GRIA4: variants seen among roughly 807,000 people sequenced by gnomAD.
GRIA4 encodes the protein glutamate receptor 4.
A neutral mutation model predicts 104.0 loss-of-function variants in GRIA4; 34 were observed. That is an observed-to-expected ratio of 0.33 (90% CI 0.25 to 0.44). GRIA4 has a LOEUF of 0.44. Ranked by LOEUF, GRIA4 falls within the 20% of genes least tolerant of loss-of-function variation. The probability of loss-of-function intolerance (pLI) is 1.00; values close to 1 mark genes in which losing one functional copy is unlikely to be tolerated. For missense variants in GRIA4, 750 were observed against 1,096.5 expected (o/e 0.68, Z 4.46); for synonymous variants, 386 against 381.9 (o/e 1.01, Z -0.13).
intron 3 of GRIA4, among the ~76,000 whole-genome samples, chr11:105,699,342 T>C (rs1305739815): frequency 6.6e-6 from 1 of 152,096 alleles, no homozygotes; most frequent in Non-Finnish European, 1.5e-5. Context: ...ATAGAATTAT[T>C]CAGGACACTA....
chr11:105,914,202 T>A (rs1384040232), intron 10 of GRIA4, among the ~76,000 whole-genome samples: 1 of 151,858 alleles, frequency 6.6e-6, no homozygotes, highest in African/African-American at 2.4e-5. Context: ...TAAATTTAAA[T>A]TTTTTCAGCC....
intron 4 of GRIA4, among the ~76,000 whole-genome samples, chr11:105,793,332 T>C (rs980697384): frequency 6.6e-6 from 1 of 152,058 alleles, no homozygotes; most frequent in East Asian, 1.9e-4. Flanking sequence ...ATTCTACCAC[T>C]TCCCCAGGGG....
rs145709999 is a variant in GRIA4 at position 105,636,378 on chromosome 11, A to T, written c.247+23944A>T. On this transcript the variant is annotated intron_variant, in intron 3 of 16. Coordinates refer to ENST00000282499, the MANE Select transcript of GRIA4 (RefSeq NM_000829.4). Reference sequence around the variant, plus strand: ...TCCCTCAAGAATATCTTGCCATTTTACATTTTGTTCAAGGTCAGACTCTTT... The same window carrying T: ...TCCCTCAAGAATATCTTGCCATTTTTCATTTTGTTCAAGGTCAGACTCTTT... Among the ~76,000 whole-genome samples, 440 of 152,270 alleles carry T rather than the reference A, an allele frequency of 2.9e-3. 3 individuals carry two copies. Among genetic ancestry groups the T allele is most frequent in the African/African-American group, 0.01 (425 of 41,566 alleles).
At chr11:105,880,314 T>G (rs1946001258) in intron 5 of GRIA4, among the ~76,000 whole-genome samples, 1 of 152,198 alleles carries the variant, frequency 6.6e-6, no homozygotes, top group Non-Finnish European at 1.5e-5. Flanking sequence ...ATGTAGAATT[T>G]TAGAACCACC....
rs368682744 is a variant in GRIA4, at chr11:105,900,897, C to T, written c.885+2470C>T. Among the ~76,000 whole-genome samples the T allele has an allele frequency of 4.6e-5, 7 of 152,078 alleles. No homozygotes were observed. The East Asian group carries it at 1.2e-3, about 25-fold the overall frequency. On this transcript the variant is annotated intron_variant, in intron 7 of 16. Coordinates refer to ENST00000282499, the MANE Select transcript of GRIA4 (RefSeq NM_000829.4). ...CTGGCCCAGATCTGGTATTTGATACCACAGCAGGGTGATTACAATCAACAA... is the reference window on the plus strand; with the variant it reads ...CTGGCCCAGATCTGGTATTTGATACTACAGCAGGGTGATTACAATCAACAA...
intron 3 of GRIA4, among the ~76,000 whole-genome samples, chr11:105,649,842 A>G (rs1304536326): frequency 7.2e-5 from 11 of 152,056 alleles, no homozygotes; most frequent in Non-Finnish European, 1.5e-4. Flanking sequence ...TTAATATTGT[A>G]AATTATTCTA....
At chr11:105,794,733 G>A (rs1942410399) in intron 4 of GRIA4, among the ~76,000 whole-genome samples, 1 of 150,610 alleles carries the variant, frequency 6.6e-6, no homozygotes, top group Non-Finnish European at 1.5e-5. Context: ...TAATCCAGGG[G>A]TTTTAATCTT....
At chr11:105,744,635 C>T (rs1939532292) in intron 3 of GRIA4, among the ~76,000 whole-genome samples, 4 of 152,078 alleles carry the variant, frequency 2.6e-5, no homozygotes, top group African/African-American at 9.7e-5. Flanking sequence ...CTCCTCTAGA[C>T]CCAGGACTTC....
At chr11:105,641,179 TAGTG>T (rs1246403483) in intron 3 of GRIA4, among the ~76,000 whole-genome samples, 1 of 152,142 alleles carries the variant, frequency 6.6e-6, no homozygotes, top group Admixed American at 6.6e-5. Flanking sequence ...TATTAGCATT[TAGTG>T]AGTAACTAGT....
In GRIA4 at chr11:105,736,556, ATG is replaced by A. The variant is rs563467807; in HGVS notation, c.248-16423_248-16422del. On this transcript the variant is annotated intron_variant, in intron 3 of 16. Transcript: ENST00000282499. ...CTTGTATAGTATATATATAGTATAC[ATG>A]TTTGTTCATCTCATAAACACCTGAT... Among the ~76,000 whole-genome samples, 455 of 152,224 alleles carry A rather than the reference ATG, an allele frequency of 3.0e-3. 7 individuals carry two copies. The highest frequency in any genetic ancestry group is 0.011 in the African/African-American group (446 of 41,570).
In GRIA4 at chr11:105,810,474, T is replaced by C. The variant is rs527746105; in HGVS notation, c.488-51550T>C. Among the ~76,000 whole-genome samples, 4 of 152,218 alleles carry C rather than the reference T, an allele frequency of 2.6e-5. No homozygotes were observed. In the East Asian group the frequency reaches 7.7e-4, roughly 29 times the overall value. ...CAATGACATTTGCCATGCAAGTCAG[T>C]TTAATGAACCTGCCACAGAAAGCCC... is the stretch of plus-strand genomic sequence containing the variant. On this transcript the variant is annotated intron_variant, in intron 4 of 16. Transcript: ENST00000282499.
chr11:105,898,838 C>A (rs1417574110), intron 7 of GRIA4, among the ~76,000 whole-genome samples: 1 of 146,934 alleles, frequency 6.8e-6, no homozygotes, highest in African/African-American at 2.5e-5. Flanking sequence ...TGCAAAAGTT[C>A]TTTCAAATTA....
At position 105,924,347 on chromosome 11, in the gene GRIA4, G is replaced by A. The variant is rs1947649194; in HGVS notation, c.1477-52G>A. The A allele has an allele frequency of 4.3e-6, 6 of 1,392,746 alleles. No homozygotes were observed. In the South Asian group the frequency reaches 6.9e-5, roughly 16 times the overall value. 86.3% of individuals were successfully genotyped at this position (1,392,746 alleles called of 1,614,324 possible). A position where few individuals can be genotyped will look rare whatever the true frequency, so the allele number is the denominator to read the frequency against. The stretch of plus-strand genomic sequence containing the variant: ...TAAATGGATCATTCCAGTGCTAATT[G>A]CTTCATGAAATTCATTAACCTATGT... On this transcript the variant is annotated intron_variant, in intron 11 of 16. Transcript: ENST00000282499.
At chr11:105,965,426 G>A (rs1304244635) in intron 14 of GRIA4, among the ~76,000 whole-genome samples, 3 of 151,296 alleles carry the variant, frequency 2.0e-5, no homozygotes, top group South Asian at 2.1e-4. Context: ...TAGATTCTGC[G>A]AACAACTAAA....
intron 3 of GRIA4, among the ~76,000 whole-genome samples, chr11:105,698,703 C>T (rs1439710507): frequency 6.6e-6 from 1 of 152,190 alleles, no homozygotes; most frequent in African/African-American, 2.4e-5. Context: ...ACTTTGTCTT[C>T]CACTCTCCTA....
intron 3 of GRIA4, among the ~76,000 whole-genome samples, chr11:105,748,729 G>A (rs1939820268): frequency 1.3e-5 from 2 of 152,118 alleles, no homozygotes; most frequent in Admixed American, 1.3e-4. Context: ...CAGTCTCAAA[G>A]GCCAACCCAG....
rs964180012 is a variant in GRIA4, at chr11:105,920,066, A to G, written c.1476+1148A>G. On this transcript the variant is annotated intron_variant, in intron 11 of 16. Transcript: ENST00000282499. ...GATTCTGCATCTTGCCTTTTAGACC[A>G]TGAAGCAATGAACATTCTTTGTACA... Among the ~76,000 whole-genome samples the G allele has an allele frequency of 5.8e-4, 88 of 152,164 alleles. 1 individual carries two copies. The highest frequency in any genetic ancestry group is 4.3e-4 in the Non-Finnish European group (29 of 68,018).
intron 14 of GRIA4, among the ~76,000 whole-genome samples, chr11:105,950,564 T>C (rs1948432435): frequency 2.0e-5 from 3 of 152,190 alleles, no homozygotes. Context: ...AAAAAGACAT[T>C]TTAACTTTGG....
intron 3 of GRIA4, among the ~76,000 whole-genome samples, chr11:105,620,606 G>A (rs916806082): frequency 4.0e-5 from 6 of 151,570 alleles, no homozygotes; most frequent in Non-Finnish European, 8.9e-5. Context: ...AACAAATATG[G>A]ACATATTGAT....
Sources: allele counts gnomAD v4.1 joint callset (sites outside exome capture counted in the v4.1 genomes callset), GRCh38; gene constraint gnomAD v4.1.1; transcripts MANE v1.5; gene names NCBI Gene and HGNC (gene_info 2026-07-23, HGNC 2026-07-21).